Variants in CENPC observed in about 807,000 individuals in gnomAD.
CENPC encodes CENP-C 1.
A neutral mutation model predicts 112.1 loss-of-function variants in CENPC; 63 were observed. The observed-to-expected ratio is 0.56, with a 90% CI of 0.46 to 0.69. The LOEUF (loss-of-function observed/expected upper bound fraction) is 0.69. Among genes scored for constraint, CENPC ranks in the 30% least tolerant of loss-of-function variants. The pLI, the probability that CENPC is intolerant of heterozygous loss-of-function variation, is 0.00. For synonymous variants in CENPC, 333 were observed against 367.6 expected (o/e 0.91, Z 1.08); for missense variants, 1,000 against 1,103.8 (o/e 0.91, Z 1.33).
At chr4:67,484,657 C>T (rs914902919) in intron 17 of CENPC, among the ~76,000 whole-genome samples, 1 of 152,220 alleles carries the variant, frequency 6.6e-6, no homozygotes, top group African/African-American at 2.4e-5. Flanking sequence ...CTTTCACAAA[C>T]CAGTCCTTGG....
intron 16 of CENPC, among the ~76,000 whole-genome samples, chr4:67,491,915 G>A (rs1725293359): frequency 6.6e-6 from 1 of 152,254 alleles, no homozygotes; most frequent in African/African-American, 2.4e-5. Context: ...AGACCCTGTT[G>A]GGGGAGACGA....
intron 4 of CENPC, among the ~76,000 whole-genome samples, chr4:67,531,499 C>T (rs1726547553): frequency 6.6e-6 from 1 of 152,172 alleles, no homozygotes; most frequent in Admixed American, 6.5e-5. Flanking sequence ...GAGAAGGTTG[C>T]ACCTGCTGCG....
intron 12 of CENPC, among the ~76,000 whole-genome samples, chr4:67,500,650 C>T (rs184804): frequency 5.8e-4 from 88 of 152,164 alleles, no homozygotes; most frequent in African/African-American, 2.1e-3. Context: ...ATTCAAGTAT[C>T]ATAATAAATG....
intron 4 of CENPC, among the ~76,000 whole-genome samples, chr4:67,539,131 G>C (rs1228651258): frequency 6.6e-6 from 1 of 152,120 alleles, no homozygotes; most frequent in African/African-American, 2.4e-5. Flanking sequence ...TTATGACCAA[G>C]TCAAGTTTAT....
rs762603969 is a variant in CENPC, at chr4:67,539,897, T to C, written c.174A>G (p.Ser58=). ...TTATTTTGCGTGTTGAATTAGGCAC[T>C]GATTTTGTAGAATTTGTACTAAAAT... ...ANDFSTNSTK[S]VPNSTRKIKD... Residue 58 remains serine, a synonymous_variant, in exon 4 of 19, where the codon TCA becomes TCG. Coordinates refer to ENST00000273853, the MANE Select transcript of CENPC (RefSeq NM_001812.4). 29 of 1,530,666 alleles carry C rather than the reference T, an allele frequency of 1.9e-5. No homozygotes were observed. The highest frequency in any genetic ancestry group is 1.7e-4 in the Middle Eastern group (1 of 5,858). 94.8% of individuals were successfully genotyped at this position (1,530,666 alleles called of 1,614,324 possible). A position where few individuals can be genotyped will look rare whatever the true frequency, so the allele number is the denominator to read the frequency against.
chr4:67,504,262 T>A (rs1170611030), intron 12 of CENPC, among the ~76,000 whole-genome samples: 1 of 151,764 alleles, frequency 6.6e-6, no homozygotes, highest in African/African-American at 2.4e-5. Flanking sequence ...CATAGCAAAA[T>A]CTATCAAATT....
chr4:67,509,072 T>C lies in CENPC; in HGVS notation c.1646A>G (p.Glu549Gly). The change falls in exon 10 of 19, where the codon GAA (glutamate) becomes GGA (glycine). Residue 549 changes from glutamate (E) to glycine (G), a missense_variant. Coordinates refer to ENST00000273853, the MANE Select transcript of CENPC (RefSeq NM_001812.4). ...PVYSNSSVRNELPMHHNSSRK... is the reference protein window; with the variant it reads ...PVYSNSSVRNGLPMHHNSSRK... ...GCTACTATTGTGATGCATTGGTAAT[T>C]CATTTCTTACTGAAGAATTGCTATA... 1 of 1,609,944 alleles carries C rather than the reference T, an allele frequency of 6.2e-7. No homozygotes were observed. Among genetic ancestry groups the C allele is most frequent in the African/African-American group, 1.3e-5 (1 of 74,880 alleles).
chr4:67,513,198 G>T (rs1725945099), intron 8 of CENPC, among the ~76,000 whole-genome samples: 1 of 152,060 alleles, frequency 6.6e-6, no homozygotes, highest in East Asian at 1.9e-4. Context: ...TCCTCCCAGA[G>T]CTACCAGAAA....
rs775779098 is a variant in CENPC at position 67,489,993 on chromosome 4, T to C, written c.2644A>G (p.Lys882Glu). The C allele has an allele frequency of 9.4e-6, 15 of 1,592,244 alleles. No individual in the cohort carries two copies. The highest frequency in any genetic ancestry group is 1.2e-5 in the Non-Finnish European group (14 of 1,169,504). ...LILGPQEEKGKQHVGQDILVF... is the reference protein window; with the variant it reads ...LILGPQEEKGEQHVGQDILVF... ...AATATATCCTGGCCAACATGCTGCT[T>C]TCCCTTTTCTTCTTGTGGTCCTAAT... is the stretch of plus-strand genomic sequence containing the variant. Residue 882 changes from lysine to glutamate, a missense_variant, in exon 17 of 19, where the codon AAG becomes GAG. Transcript: ENST00000273853.
intron 17 of CENPC, among the ~76,000 whole-genome samples, chr4:67,484,951 G>C (rs1252444332): frequency 6.6e-6 from 1 of 152,152 alleles, no homozygotes; most frequent in Non-Finnish European, 1.5e-5. Flanking sequence ...AAATTAGCCA[G>C]GCGTGGTGGC....
chr4:67,476,080 C>G (rs1724797411), intron 17 of CENPC, among the ~76,000 whole-genome samples: 1 of 152,126 alleles, frequency 6.6e-6, no homozygotes, highest in East Asian at 1.9e-4. Flanking sequence ...TGTGGTGATG[C>G]TGATGTAAAT....
chr4:67,523,587 A>C (rs761388063), intron 5 of CENPC, among the ~76,000 whole-genome samples: 3 of 152,204 alleles, frequency 2.0e-5, no homozygotes, highest in Non-Finnish European at 4.4e-5. Context: ...CATCAATATG[A>C]ACTTATGATT....
chr4:67,544,233 G>A (rs1211101056), intron 1 of CENPC, 38 bp from the exon 2 acceptor site: 1 of 1,165,350 alleles, frequency 8.6e-7, no homozygotes, highest in East Asian at 2.3e-5. Flanking sequence ...GTTTCTTTAA[G>A]ATAGAGTCGA....
chr4:67,526,095 T>A (rs1726367950), intron 5 of CENPC, among the ~76,000 whole-genome samples: 1 of 151,936 alleles, frequency 6.6e-6, no homozygotes, highest in Admixed American at 6.6e-5. Context: ...ATGTTCTCAC[T>A]CATAAGTGGG....
chr4:67,483,524 T>G (rs1725008565), intron 17 of CENPC, among the ~76,000 whole-genome samples: 2 of 151,802 alleles, frequency 1.3e-5, no homozygotes, highest in Middle Eastern at 3.2e-3. Context: ...TCCATTACCT[T>G]AGAGTGTACT....
At chr4:67,524,240 G>A (rs1015708831) in intron 5 of CENPC, among the ~76,000 whole-genome samples, 13 of 152,208 alleles carry the variant, frequency 8.5e-5, no homozygotes, top group African/African-American at 2.6e-4. Flanking sequence ...CAAAAATAGG[G>A]TAATGCTTCT....
chr4:67,494,029 A>G (rs1200782481), intron 13 of CENPC, 41 bp from the exon 14 acceptor site: 15 of 1,288,158 alleles, frequency 1.2e-5, no homozygotes, highest in Non-Finnish European at 1.5e-5. Context: ...CATAGTTTTT[A>G]GTTGATGGTA....
chr4:67,481,125 C>G (rs1210762901), intron 17 of CENPC, among the ~76,000 whole-genome samples: 1 of 152,140 alleles, frequency 6.6e-6, no homozygotes. Flanking sequence ...GTACACAAAT[C>G]AATAGCTCTG....
chr4:67,489,491 A>C (rs1345181224), intron 17 of CENPC, among the ~76,000 whole-genome samples: 2 of 152,008 alleles, frequency 1.3e-5, no homozygotes, highest in African/African-American at 2.4e-5. Flanking sequence ...TTCTCAGGTT[A>C]CTGTTTTATT....
Sources: allele counts gnomAD v4.1 joint callset (sites outside exome capture counted in the v4.1 genomes callset), GRCh38; gene constraint gnomAD v4.1.1; transcripts MANE v1.5; gene names NCBI Gene and HGNC (gene_info 2026-07-23, HGNC 2026-07-21).